VSTM4: variants seen among roughly 807,000 people sequenced by gnomAD.
VSTM4 encodes the protein V-set and transmembrane domain containing 4.
VSTM4 carries 20 observed loss-of-function variants against 36.4 expected under a neutral mutation model. The observed-to-expected ratio is 0.55, with a 90% CI of 0.39 to 0.80. The LOEUF is 0.80. Among genes scored for constraint, VSTM4 ranks in the 30% least tolerant of loss-of-function variants. The pLI is 0.00. For missense variants in VSTM4, 392 were observed against 404.5 expected, an observed-to-expected ratio of 0.97 and a Z score of 0.26; for synonymous variants, 182 against 173.9, an observed-to-expected ratio of 1.05 and a Z score of -0.37.
chr10:49,030,541 G>A (rs1408307954), intron 7 of VSTM4, among the ~76,000 whole-genome samples: 1 of 152,224 alleles, frequency 6.6e-6, no homozygotes, highest in Non-Finnish European at 1.5e-5. Flanking sequence ...CTAGGACAGT[G>A]GGAGGACTGG....
intron 2 of VSTM4, among the ~76,000 whole-genome samples, chr10:49,088,358 G>A (rs1022248298): frequency 6.6e-6 from 1 of 152,166 alleles, no homozygotes; most frequent in African/African-American, 2.4e-5. Context: ...AGCTCTTAGT[G>A]AATATCTGAC....
intron 4 of VSTM4, among the ~76,000 whole-genome samples, chr10:49,073,593 T>C (rs1371707160): frequency 6.6e-6 from 1 of 152,204 alleles, no homozygotes; most frequent in Admixed American, 6.5e-5. Context: ...GACCTGGGAA[T>C]AATCAGCTCA....
At chr10:49,024,754 A>G (rs946694707) in intron 7 of VSTM4, among the ~76,000 whole-genome samples, 1 of 152,220 alleles carries the variant, frequency 6.6e-6, no homozygotes, top group African/African-American at 2.4e-5. Context: ...AATAGCACGC[A>G]TATGTGCACG....
chr10:49,075,282 A>T lies in VSTM4; in HGVS notation c.634+1937T>A, dbSNP rs115834726. 9.2e-3 allele frequency among the ~76,000 whole-genome samples: 1,408 copies of T among 152,254 alleles called. 25 individuals carry two copies. Among genetic ancestry groups the T allele is most frequent in the African/African-American group, 0.031 (1,304 of 41,560 alleles). On this transcript the variant is annotated intron_variant, in intron 4 of 7. Coordinates refer to ENST00000332853, the MANE Select transcript of VSTM4 (RefSeq NM_001031746.5). ...GCCTAGCAGGGCCTGCAGCCAGTGC[A>T]GACTCTCGATCATGCCCCTGAGCCC...
At chr10:49,064,582 T>A (rs1225748333) in intron 5 of VSTM4, 121 bp downstream of exon 5, 6 of 1,184,998 alleles carry the variant, frequency 5.1e-6, no homozygotes, top group Non-Finnish European at 7.4e-6. Flanking sequence ...TGCAGGCATA[T>A]TTGTGGACAA....
At chr10:49,060,197 T>C (rs756674042) in intron 5 of VSTM4, among the ~76,000 whole-genome samples, 1 of 152,238 alleles carries the variant, frequency 6.6e-6, no homozygotes, top group Non-Finnish European at 1.5e-5. Flanking sequence ...ATGAGATATA[T>C]GCTTTCAGTT....
rs759756530 is a variant in VSTM4, at chr10:49,107,985, C to G, written c.66G>C (p.Ala22=). Residue 22 remains alanine, a synonymous_variant, in exon 2 of 8, where the codon GCG becomes GCC. Transcript: ENST00000332853. ...CCGGGGACACAGTGACATTGAGGGC[C>G]GCACAGACCTCTGCAGAGAAAAAGG... The part of the protein sequence containing the change: ...LARAPAPEVC[A]ALNVTVSPGP... 1 of 1,577,034 alleles carries G rather than the reference C, an allele frequency of 6.3e-7. No homozygotes were observed. Among genetic ancestry groups the G allele is most frequent in the African/African-American group, 1.4e-5 (1 of 73,880 alleles).
chr10:49,021,279 A>C (rs1843178513), intron 7 of VSTM4, among the ~76,000 whole-genome samples: 1 of 152,160 alleles, frequency 6.6e-6, no homozygotes, highest in Non-Finnish European at 1.5e-5. Context: ...TTAATGTGGA[A>C]AATAAACCTA....
chr10:49,103,427 T>C, intron 2 of VSTM4: 1 of 712,348 alleles, frequency 1.4e-6, no homozygotes. Context: ...TTAAGTTGAG[T>C]AGAGATATGG....
intron 4 of VSTM4, among the ~76,000 whole-genome samples, chr10:49,076,861 T>C (rs2131991295): frequency 6.6e-6 from 1 of 152,242 alleles, no homozygotes; most frequent in South Asian, 2.1e-4. Context: ...CTTTCATAAA[T>C]GAGGAAACCC....
At chr10:49,103,816 A>C in intron 2 of VSTM4, 1 of 1,614,104 alleles carries the variant, frequency 6.2e-7, no homozygotes. Flanking sequence ...ATTACAAGGG[A>C]AATCCCAAGA....
intron 5 of VSTM4, among the ~76,000 whole-genome samples, chr10:49,061,247 T>C (rs889352294): frequency 9.9e-5 from 15 of 151,602 alleles, no homozygotes; most frequent in Admixed American, 9.9e-4. Context: ...AGAGAACACA[T>C]TCTCTATTAT....
chr10:49,061,846 T>C (rs952430178), intron 5 of VSTM4, among the ~76,000 whole-genome samples: 4 of 152,214 alleles, frequency 2.6e-5, no homozygotes, highest in Non-Finnish European at 5.9e-5. Context: ...TGAAATTTGA[T>C]TGATGTATTT....
At chr10:49,065,797 T>C (rs1479894840) in intron 4 of VSTM4, among the ~76,000 whole-genome samples, 2 of 152,178 alleles carry the variant, frequency 1.3e-5, no homozygotes, top group African/African-American at 4.8e-5. Flanking sequence ...AGCTGTTACA[T>C]ATGGGGTGAT....
chr10:49,075,175 G>T (rs1844152828), intron 4 of VSTM4, among the ~76,000 whole-genome samples: 1 of 152,240 alleles, frequency 6.6e-6, no homozygotes, highest in Non-Finnish European at 1.5e-5. Flanking sequence ...TCTCTGTGAG[G>T]CCTGGAGGAG....
intron 4 of VSTM4, among the ~76,000 whole-genome samples, chr10:49,073,579 A>G (rs1728310685): frequency 6.6e-6 from 1 of 152,102 alleles, no homozygotes; most frequent in Admixed American, 6.5e-5. Context: ...CCTCCAATTC[A>G]ATGGACCTGG....
At position 49,017,807 on chromosome 10, in the gene VSTM4, A is replaced by C. The variant is rs552738624; in HGVS notation, c.*1843T>G. The C allele has an allele frequency of 8.5e-5, 13 of 152,188 alleles. No homozygotes were observed. Among genetic ancestry groups the C allele is most frequent in the East Asian group, 1.9e-4 (1 of 5,196 alleles). 9.4% of individuals were successfully genotyped at this position (152,188 alleles called of 1,614,324 possible). A position where few individuals can be genotyped will look rare whatever the true frequency, so the allele number is the denominator to read the frequency against. ...ATCCTCTGCCCTCAAAACACTATAC[A>C]TCTGTCAGAACACTGCCATGATAAA... is the stretch of plus-strand genomic sequence containing the variant. On this transcript the variant is annotated 3_prime_UTR_variant, in exon 8 of 8. Coordinates refer to ENST00000332853, the MANE Select transcript of VSTM4 (RefSeq NM_001031746.5).
intron 1 of VSTM4, 132 bp from the exon 2 acceptor site, chr10:49,108,127 G>A: frequency 3.1e-6 from 4 of 1,302,730 alleles, no homozygotes; most frequent in Non-Finnish European, 4.1e-6. Context: ...AGAGAAGCAG[G>A]CGGCCCCTCA....
rs1843127872 is a variant in VSTM4, at chr10:49,018,007, C to T, written c.*1643G>A. On this transcript the variant is annotated 3_prime_UTR_variant, in exon 8 of 8. Transcript: ENST00000332853. ...ATCTGGCAGAGAGGGAGGAATGAGA[C>T]ACAGGTGTTATCCAGAGAGGGTGAA... is the stretch of plus-strand genomic sequence containing the variant. 1 of 152,170 alleles carries T rather than the reference C, an allele frequency of 6.6e-6. No individual in the cohort carries two copies. Among genetic ancestry groups the T allele is most frequent in the African/African-American group, 2.4e-5 (1 of 41,428 alleles). 9.4% of individuals were successfully genotyped at this position (152,170 alleles called of 1,614,324 possible).
Sources: allele counts gnomAD v4.1 joint callset (sites outside exome capture counted in the v4.1 genomes callset), GRCh38; gene constraint gnomAD v4.1.1; transcripts MANE v1.5; gene names NCBI Gene and HGNC (gene_info 2026-07-23, HGNC 2026-07-21).